HSD17B3: variants seen among roughly 807,000 people sequenced by gnomAD.
HSD17B3 encodes hydroxysteroid 17-beta dehydrogenase 3.
Under a neutral mutation model 41.1 loss-of-function variants are expected in HSD17B3, and 29 were observed. The observed-to-expected ratio is 0.71, with a 90% confidence interval of 0.53 to 0.96. HSD17B3 has a LOEUF of 0.96. HSD17B3 is among the 40% of genes least tolerant of loss of function. The probability of loss-of-function intolerance (pLI) is 0.00; values close to 1 mark genes in which losing one functional copy is unlikely to be tolerated. For synonymous variants in HSD17B3, 126 were observed against 145.6 expected, an observed-to-expected ratio of 0.87 and a Z score of 0.97; for missense variants, 323 against 374.6, an observed-to-expected ratio of 0.86 and a Z score of 1.14.
chr9:96,281,979 C>T (rs1158753812), intron 2 of HSD17B3, among the ~76,000 whole-genome samples: 1 of 152,150 alleles, frequency 6.6e-6, no homozygotes, highest in Non-Finnish European at 1.5e-5. Flanking sequence ...ATTTGTGAGG[C>T]TAGTCGTAAG....
At chr9:96,254,574 G>T (rs1825551445) in intron 3 of HSD17B3, among the ~76,000 whole-genome samples, 1 of 152,194 alleles carries the variant, frequency 6.6e-6, no homozygotes, top group Non-Finnish European at 1.5e-5. Context: ...AAATTGGAAA[G>T]CCCGCTCAAG....
At chr9:96,247,102 T>A in intron 6 of HSD17B3, 1 of 171,760 alleles carries the variant, frequency 5.8e-6, no homozygotes, top group Non-Finnish European at 1.3e-5. Flanking sequence ...TGGCCACTCC[T>A]GTGTATTGGA....
Position 96,301,758 on chromosome 9 carries a change from A to G in HSD17B3, c.154+193T>C, listed in dbSNP as rs144317331. Among the ~76,000 whole-genome samples, 1,240 of 149,330 alleles carry G rather than the reference A, an allele frequency of 8.3e-3. 12 individuals carry two copies. Among genetic ancestry groups the G allele is most frequent in the Non-Finnish European group, 0.011 (742 of 67,398 alleles). ...TAGCCAGGTGTGGTGACAGGCGCCT[A>G]TAATCCCAGCTACTTGGGAGGCTGA... On this transcript the variant is annotated intron_variant, in intron 1 of 10. Coordinates refer to ENST00000375263, the MANE Select transcript of HSD17B3 (RefSeq NM_000197.2).
chr9:96,292,203 G>C (rs2130791955), intron 2 of HSD17B3, among the ~76,000 whole-genome samples: 1 of 152,006 alleles, frequency 6.6e-6, no homozygotes, highest in South Asian at 2.1e-4. Context: ...ATAAGCAACA[G>C]AGAAAAAATA....
Position 96,266,638 on chromosome 9 carries a change from G to A in HSD17B3, c.202-11695C>T, listed in dbSNP as rs146800637. On this transcript the variant is annotated intron_variant, in intron 2 of 10. Transcript: ENST00000375263. ...TCTCAAATCCTAAACCAGCAACAGA[G>A]TAAGCTGAGAACTGACAAAATGTAT... Among the ~76,000 whole-genome samples the A allele has an allele frequency of 1.3e-4, 20 of 152,264 alleles. No homozygotes were observed. In the East Asian group the frequency reaches 3.5e-3, roughly 26 times the overall value.
At chr9:96,254,977 A>C in intron 2 of HSD17B3, 34 bp from the exon 3 acceptor site, 1 of 1,580,410 alleles carries the variant, frequency 6.3e-7, no homozygotes, top group Non-Finnish European at 8.7e-7. Context: ...AGAGACAAGG[A>C]TGATGAGCAG....
Position 96,290,456 on chromosome 9 carries a change from C to CCTTTTT in HSD17B3, c.201+7959_201+7960insAAAAAG, listed in dbSNP as rs747479797. Among the ~76,000 whole-genome samples, 4 of 78,418 alleles carry CCTTTTT rather than the reference C, an allele frequency of 5.1e-5. 1 individual carries two copies. The highest frequency in any genetic ancestry group is 1.8e-4 in the Admixed American group (1 of 5,416). The allele number at this position is 78,418 out of a possible 152,430, so 51.4% of individuals were successfully genotyped here. On this transcript the variant is annotated intron_variant, in intron 2 of 10. Transcript: ENST00000375263. The stretch of plus-strand genomic sequence containing the variant: ...GAAGGGCACTGTGGTATTTCCTGGG[C>CCTTTTT]TTTTTTTTTTTTTTTTTTTTTTTCC...
intron 10 of HSD17B3, among the ~76,000 whole-genome samples, chr9:96,237,620 T>G (rs975891805): frequency 1.3e-5 from 2 of 152,202 alleles, no homozygotes; most frequent in Non-Finnish European, 2.9e-5. Context: ...GGTCGCTTAT[T>G]TACCATTTGA....
At chr9:96,243,269 C>T (rs956221151) in intron 9 of HSD17B3, among the ~76,000 whole-genome samples, 3 of 152,196 alleles carry the variant, frequency 2.0e-5, no homozygotes, top group Non-Finnish European at 2.9e-5. Context: ...AGTGGGAGCA[C>T]GGAGACCCCA....
chr9:96,286,797 C>CA (rs1445613282), intron 2 of HSD17B3, among the ~76,000 whole-genome samples: 1 of 152,046 alleles, frequency 6.6e-6, no homozygotes, highest in African/African-American at 2.4e-5. Flanking sequence ...GATGCTATGG[C>CA]AAAATCAGAA....
intron 1 of HSD17B3, among the ~76,000 whole-genome samples, chr9:96,300,965 CT>C (rs1827576563): frequency 6.6e-6 from 1 of 152,006 alleles, no homozygotes; most frequent in African/African-American, 2.4e-5. Flanking sequence ...TTGGAAACAC[CT>C]TTTAGTAAAG....
intron 2 of HSD17B3, among the ~76,000 whole-genome samples, chr9:96,266,911 G>T (rs539986151): frequency 6.6e-6 from 1 of 152,058 alleles, no homozygotes; most frequent in East Asian, 1.9e-4. Context: ...TTTTCTCTGC[G>T]GAATCTGACC....
chr9:96,272,137 G>C (rs1255202096), intron 2 of HSD17B3, among the ~76,000 whole-genome samples: 3 of 151,536 alleles, frequency 2.0e-5, no homozygotes. Context: ...GGGAGTCTAA[G>C]GCAGGTGGAT....
chr9:96,293,245 A>G (rs1827219800), intron 2 of HSD17B3, among the ~76,000 whole-genome samples: 2 of 152,240 alleles, frequency 1.3e-5, no homozygotes, highest in Non-Finnish European at 2.9e-5. Flanking sequence ...CTATCTTTAT[A>G]TGAGATTAAC....
At chr9:96,276,512 A>G (rs1371634581) in intron 2 of HSD17B3, among the ~76,000 whole-genome samples, 1 of 152,244 alleles carries the variant, frequency 6.6e-6, no homozygotes, top group Non-Finnish European at 1.5e-5. Flanking sequence ...TATATTATAA[A>G]GCTACAGTAA....
Position 96,288,541 on chromosome 9 carries a change from G to A in HSD17B3, c.201+9875C>T, listed in dbSNP as rs1419935011. On this transcript the variant is annotated intron_variant, in intron 2 of 10. Coordinates refer to ENST00000375263, the MANE Select transcript of HSD17B3 (RefSeq NM_000197.2). Reference sequence around the variant, plus strand: ...CATTTCTGTAATCCTAGAGCCTTGGGAGGCCGAGGCAGGAGGATCACTTGA... The same window carrying A: ...CATTTCTGTAATCCTAGAGCCTTGGAAGGCCGAGGCAGGAGGATCACTTGA... Among the ~76,000 whole-genome samples, 4 of 152,190 alleles carry A rather than the reference G, an allele frequency of 2.6e-5. No individual in the cohort carries two copies. In the East Asian group the frequency reaches 7.7e-4, roughly 29 times the overall value.
chr9:96,285,808 TGAA>T (rs1826897498), intron 2 of HSD17B3, among the ~76,000 whole-genome samples: 1 of 152,178 alleles, frequency 6.6e-6, no homozygotes, highest in Non-Finnish European at 1.5e-5. Flanking sequence ...CTATTCAGCC[TGAA>T]GAAGTTACAG....
In HSD17B3 at chr9:96,302,040, G is replaced by A. The variant is rs775234559; in HGVS notation, c.65C>T (p.Ala22Val). The change falls in exon 1 of 11, where the codon GCG (alanine) becomes GTG (valine). Residue 22 changes from alanine to valine, a missense_variant. Transcript: ENST00000375263. ...ACATCTGGAGAATCTCACGCACTTCGCCAGGCAGGCCAGGCACACCAGCAG... is the reference window on the plus strand; with the variant it reads ...ACATCTGGAGAATCTCACGCACTTCACCAGGCAGGCCAGGCACACCAGCAG... ...TGLLVCLACL[A>V]KCVRFSRCVL... The A allele has an allele frequency of 2.9e-5, 46 of 1,613,928 alleles. No individual in the cohort carries two copies. The highest frequency in any genetic ancestry group is 3.6e-5 in the Non-Finnish European group (42 of 1,179,986).
At position 96,246,580 on chromosome 9, in the gene HSD17B3, A is replaced by G. The variant is rs781146125; in HGVS notation, c.500T>C (p.Leu167Pro). 1 of 1,614,146 alleles carries G rather than the reference A, an allele frequency of 6.2e-7. No homozygotes were observed. Among genetic ancestry groups the G allele is most frequent in the South Asian group, 1.1e-5 (1 of 91,072 alleles). ...NITSVVKMTQ[L>P]ILKHMESRQK... The stretch of plus-strand genomic sequence containing the variant: ...CCTTGATTCCATATGTTTCAGAATT[A>G]GCTGTGTCATCTACAAGAGAAGGCC... The change falls in exon 7 of 11, where the codon CTA becomes CCA. Residue 167 changes from leucine (L) to proline (P), a missense_variant. Leu to Pro is a moderately conservative substitution (Grantham distance 98). Coordinates refer to ENST00000375263, the MANE Select transcript of HSD17B3 (RefSeq NM_000197.2).
Sources: gnomAD v4.1 joint callset for allele counts (sites outside exome capture counted in the v4.1 genomes callset) on GRCh38, gnomAD v4.1.1 for gene constraint, MANE v1.5 for transcripts, NCBI Gene and HGNC (gene_info 2026-07-23, HGNC 2026-07-21) for gene names.